Variants in EPB41L2 observed in about 807,000 individuals in gnomAD.
EPB41L2 encodes the protein erythrocyte membrane protein band 4.1 like 2.
EPB41L2 carries 43 observed loss-of-function variants against 113.0 expected under a neutral mutation model. The observed-to-expected ratio is 0.38, with a 90% confidence interval of 0.30 to 0.49. The LOEUF (loss-of-function observed/expected upper bound fraction) is 0.49, where lower values mean the gene tolerates loss of function less well. Among genes scored for constraint, EPB41L2 ranks in the 20% least tolerant of loss-of-function variants. EPB41L2 has a pLI of 0.95. For missense variants in EPB41L2, 1,147 were observed against 1,223.4 expected (o/e 0.94, Z 0.93); for synonymous variants, 442 against 436.7 (o/e 1.01, Z -0.15).
rs1482425692 is a variant in EPB41L2 at position 130,840,026 on chromosome 6, C to T, written c.*578G>A. 6.6e-6 allele frequency: 1 copy of T among 152,214 alleles called. No individual in the cohort carries two copies. Among genetic ancestry groups the T allele is most frequent in the Non-Finnish European group, 1.5e-5 (1 of 68,036 alleles). The allele number at this position is 152,214 out of a possible 1,614,324, so 9.4% of individuals were successfully genotyped here. On this transcript the variant is annotated 3_prime_UTR_variant, in exon 20 of 20. Transcript: ENST00000337057. ...ATAAAAAACATCCCTGTGAAATTCT[C>T]AAATATTAGAAAATTTTCAAGATGT...
At chr6:131,044,981 C>T (rs1795136553) in intron 1 of EPB41L2, among the ~76,000 whole-genome samples, 1 of 152,196 alleles carries the variant, frequency 6.6e-6, no homozygotes, top group Non-Finnish European at 1.5e-5. Context: ...CATATACACA[C>T]ATCCATACTG....
At chr6:130,995,333 T>C (rs1437818140) in intron 1 of EPB41L2, among the ~76,000 whole-genome samples, 2 of 151,482 alleles carry the variant, frequency 1.3e-5, no homozygotes, top group Non-Finnish European at 2.9e-5. Flanking sequence ...AGACTCCGTC[T>C]CAAAAAAACA....
intron 3 of EPB41L2, among the ~76,000 whole-genome samples, chr6:130,949,114 T>C (rs1275885160): frequency 1.3e-5 from 2 of 152,216 alleles, no homozygotes; most frequent in Non-Finnish European, 2.9e-5. Flanking sequence ...AAATTGACTA[T>C]ATATTTCAAA....
At chr6:130,842,580 A>G (rs1427425758) in intron 19 of EPB41L2, among the ~76,000 whole-genome samples, 3 of 152,114 alleles carry the variant, frequency 2.0e-5, no homozygotes, top group African/African-American at 7.2e-5. Context: ...CTGAAAACCT[A>G]CAGAGAGAAC....
chr6:130,912,867 G>A lies in EPB41L2; in HGVS notation c.811-4004C>T, dbSNP rs902262356. On this transcript the variant is annotated intron_variant, in intron 4 of 19. Transcript: ENST00000337057. ...AAGGAACAACCATAGCAAGAAAAAC[G>A]AAATTGAATGGCGCCAAATTGAAAA... 3.9e-5 allele frequency among the ~76,000 whole-genome samples: 6 copies of A among 151,990 alleles called. 1 individual carries two copies. The highest frequency in any genetic ancestry group is 4.2e-4 in the South Asian group (2 of 4,814).
chr6:130,986,789 T>C (rs982314511), intron 1 of EPB41L2, among the ~76,000 whole-genome samples: 3 of 152,064 alleles, frequency 2.0e-5, no homozygotes, highest in Non-Finnish European at 4.4e-5. Context: ...ACATTTCAAA[T>C]GTAATAAAAA....
At chr6:130,998,406 G>A (rs1783633030) in intron 1 of EPB41L2, among the ~76,000 whole-genome samples, 1 of 152,126 alleles carries the variant, frequency 6.6e-6, no homozygotes, top group Admixed American at 6.5e-5. Context: ...ACCCACCCAA[G>A]ATCAACCAAG....
chr6:130,972,656 C>A lies in EPB41L2; in HGVS notation c.-14-16157G>T, dbSNP rs78547736. On this transcript the variant is annotated intron_variant, in intron 1 of 19. Transcript: ENST00000337057. ...CTTTACCCAACTACTGTGTTACTCT[C>A]CTGCAAAGCAGTAGTAATTATCTGT... 6.6e-3 allele frequency among the ~76,000 whole-genome samples: 1,002 copies of A among 151,968 alleles called. 19 individuals are homozygous for A. The highest frequency in any genetic ancestry group is 0.023 in the African/African-American group (966 of 41,506).
intron 1 of EPB41L2, among the ~76,000 whole-genome samples, chr6:131,052,600 C>T (rs1796780428): frequency 6.6e-6 from 1 of 152,064 alleles, no homozygotes; most frequent in Non-Finnish European, 1.5e-5. Context: ...CAGGATAAAA[C>T]ATAAAGTTGT....
chr6:130,947,019 C>CCG (rs1554291484), intron 3 of EPB41L2, among the ~76,000 whole-genome samples: 3 of 117,590 alleles, frequency 2.6e-5, no homozygotes, highest in Non-Finnish European at 5.6e-5. Context: ...TAAAGAAGAC[C>CCG]CCCCCCCCAG....
intron 1 of EPB41L2, among the ~76,000 whole-genome samples, chr6:131,050,166 C>T (rs990828963): frequency 2.0e-5 from 3 of 152,058 alleles, no homozygotes; most frequent in Non-Finnish European, 4.4e-5. Flanking sequence ...TGGCAAAACC[C>T]CATCTCTACT....
At chr6:130,932,736 A>G (rs1409365042) in intron 3 of EPB41L2, among the ~76,000 whole-genome samples, 1 of 152,206 alleles carries the variant, frequency 6.6e-6, no homozygotes, top group Non-Finnish European at 1.5e-5. Context: ...GTTCTTTAAG[A>G]AAGAGGACAT....
intron 19 of EPB41L2, 131 bp downstream of exon 19, chr6:130,858,000 A>G (rs949076017): frequency 1.1e-5 from 8 of 730,410 alleles, no homozygotes; most frequent in Admixed American, 1.9e-5. Context: ...CCTGGGGATG[A>G]TAACAGTCTA....
At chr6:130,985,023 C>T (rs975497422) in intron 1 of EPB41L2, among the ~76,000 whole-genome samples, 1 of 152,102 alleles carries the variant, frequency 6.6e-6, no homozygotes, top group Admixed American at 6.6e-5. Context: ...GTGATAGTGA[C>T]AGGAGGCAGC....
intron 4 of EPB41L2, among the ~76,000 whole-genome samples, chr6:130,921,616 C>T (rs938967275): frequency 6.6e-6 from 1 of 152,188 alleles, no homozygotes; most frequent in Non-Finnish European, 1.5e-5. Flanking sequence ...CTGCCCACAT[C>T]CAGAATACTG....
At chr6:131,010,222 T>G (rs1189795123) in intron 1 of EPB41L2, among the ~76,000 whole-genome samples, 3 of 152,106 alleles carry the variant, frequency 2.0e-5, no homozygotes, top group Non-Finnish European at 4.4e-5. Flanking sequence ...TGGAGCTGTG[T>G]TTCTTCAAAT....
At chr6:131,012,154 G>A (rs1336126260) in intron 1 of EPB41L2, among the ~76,000 whole-genome samples, 3 of 151,852 alleles carry the variant, frequency 2.0e-5, no homozygotes, top group Admixed American at 6.6e-5. Flanking sequence ...GCAGTGAGCC[G>A]AGACTGAGTC....
chr6:130,979,863 A>G (rs1219953237), intron 1 of EPB41L2, among the ~76,000 whole-genome samples: 2 of 152,224 alleles, frequency 1.3e-5, no homozygotes, highest in African/African-American at 4.8e-5. Context: ...CCTGGTTTCC[A>G]GACTGAAATG....
intron 1 of EPB41L2, among the ~76,000 whole-genome samples, chr6:130,990,327 A>G (rs1231966790): frequency 6.6e-6 from 1 of 152,182 alleles, no homozygotes; most frequent in East Asian, 1.9e-4. Context: ...TCTCAAAAAA[A>G]AAAAGCCAAT....
Sources: allele counts gnomAD v4.1 joint callset (sites outside exome capture counted in the v4.1 genomes callset), GRCh38; gene constraint gnomAD v4.1.1; transcripts MANE v1.5; gene names NCBI Gene and HGNC (gene_info 2026-07-23, HGNC 2026-07-21).